Variants in PRSS23 observed in about 807,000 individuals in gnomAD.
PRSS23 encodes the protein serine protease 23.
In PRSS23, 25 loss-of-function variants were observed where a neutral mutation model predicts 34.7. The observed-to-expected ratio is 0.72, with a 90% CI of 0.53 to 1.01. The LOEUF is 1.01. PRSS23 is among the 50% of genes least tolerant of loss of function. The probability of loss-of-function intolerance (pLI) is 0.00; values close to 1 mark genes in which losing one functional copy is unlikely to be tolerated. For synonymous variants in PRSS23, 176 were observed against 186.6 expected, an observed-to-expected ratio of 0.94 and a Z score of 0.46; for missense variants, 445 against 475.6, an observed-to-expected ratio of 0.94 and a Z score of 0.60.
At chr11:86,902,528 A>G (rs1462279277) in intron 2 of PRSS23, among the ~76,000 whole-genome samples, 3 of 152,226 alleles carry the variant, frequency 2.0e-5, no homozygotes, top group Non-Finnish European at 4.4e-5. Flanking sequence ...GAGATGCCCT[A>G]GAAATTGGAT....
chr11:86,855,893 A>G (rs1229098539), intron 2 of PRSS23, among the ~76,000 whole-genome samples: 1 of 152,194 alleles, frequency 6.6e-6, no homozygotes, highest in Non-Finnish European at 1.5e-5. Flanking sequence ...CTGACCTGCA[A>G]TCTCACCCAT....
At chr11:86,836,411 T>C (rs1948406003) in intron 2 of PRSS23, among the ~76,000 whole-genome samples, 1 of 152,184 alleles carries the variant, frequency 6.6e-6, no homozygotes, top group South Asian at 2.1e-4. Context: ...TCATCCATAT[T>C]GTCCTTCTGT....
At chr11:86,873,452 T>G (rs958367303) in intron 2 of PRSS23, among the ~76,000 whole-genome samples, 1 of 151,638 alleles carries the variant, frequency 6.6e-6, no homozygotes, top group Non-Finnish European at 1.5e-5. Flanking sequence ...CTCATTTGTG[T>G]GTGTGTTTTT....
chr11:86,876,202 G>A (rs5011180), intron 2 of PRSS23, among the ~76,000 whole-genome samples: 80,341 of 151,400 alleles, frequency 0.53, 22,488 homozygotes, highest in African/African-American at 0.72. Context: ...AAGAAATTTC[G>A]GAGTAAACAT....
At chr11:86,943,373 C>G (rs1226086270) in intron 2 of PRSS23, among the ~76,000 whole-genome samples, 1 of 152,146 alleles carries the variant, frequency 6.6e-6, no homozygotes, top group Non-Finnish European at 1.5e-5. Flanking sequence ...GCCTGTAATC[C>G]CAGCACTTTG....
chr11:86,838,641 G>C (rs2845690), intron 2 of PRSS23, among the ~76,000 whole-genome samples: 29,311 of 152,062 alleles, frequency 0.19, 3,168 homozygotes, highest in East Asian at 0.46. Context: ...CATGGCATTC[G>C]AGCTCCAAGA....
At chr11:86,842,799 A>AT (rs1343076407) in intron 2 of PRSS23, among the ~76,000 whole-genome samples, 1 of 152,250 alleles carries the variant, frequency 6.6e-6, no homozygotes, top group Non-Finnish European at 1.5e-5. Flanking sequence ...AGAACATTCC[A>AT]TGCTCATGGG....
At chr11:86,861,575 G>A (rs1221325471) in intron 2 of PRSS23, among the ~76,000 whole-genome samples, 1 of 151,786 alleles carries the variant, frequency 6.6e-6, no homozygotes, top group South Asian at 2.1e-4. Context: ...TTTGCAGGGG[G>A]CGGACACCCT....
chr11:86,936,188 G>T (rs1949160911), intron 2 of PRSS23: 1 of 152,210 alleles, frequency 6.6e-6, no homozygotes, highest in South Asian at 2.1e-4. Flanking sequence ...GGCAGGACTT[G>T]GGGGCTCTGT....
chr11:86,795,481 G>A (rs768274653), intron 1 of PRSS23, among the ~76,000 whole-genome samples: 2 of 152,192 alleles, frequency 1.3e-5, no homozygotes, highest in Non-Finnish European at 2.9e-5. Flanking sequence ...TTGCTACTCC[G>A]GGATCCCATG....
At chr11:86,867,177 T>C (rs111519605) in intron 2 of PRSS23, among the ~76,000 whole-genome samples, 2 of 152,346 alleles carry the variant, frequency 1.3e-5, no homozygotes, top group African/African-American at 4.8e-5. Flanking sequence ...AACCTCACTC[T>C]TACCATCTGG....
chr11:86,952,424 T>A (rs762727431), exon 3 of PRSS23: 5 of 1,614,014 alleles, frequency 3.1e-6, no homozygotes, highest in Non-Finnish European at 4.2e-6. Flanking sequence ...AATGGGGATG[T>A]TGATCTTCTC....
intron 2 of PRSS23, chr11:86,934,580 C>G (rs187830250): frequency 6.6e-6 from 1 of 152,298 alleles, no homozygotes; most frequent in African/African-American, 2.4e-5. Context: ...CTCCTGGAAG[C>G]AGAATATTTT....
At chr11:86,815,589 G>A (rs984040251), downstream of PRSS23, among the ~76,000 whole-genome samples, 3 of 152,156 alleles carry the variant, frequency 2.0e-5, no homozygotes, top group Non-Finnish European at 4.4e-5. Context: ...TTCTATTCTA[G>A]CATGTGTTAC....
intron 2 of PRSS23, among the ~76,000 whole-genome samples, chr11:86,830,146 A>G (rs1590883078): frequency 6.6e-6 from 1 of 152,194 alleles, no homozygotes; most frequent in Non-Finnish European, 1.5e-5. Flanking sequence ...GGCTCCACCC[A>G]GCTCGAGCTT....
At chr11:86,869,001 T>G (rs1171725730) in intron 2 of PRSS23, among the ~76,000 whole-genome samples, 2 of 152,074 alleles carry the variant, frequency 1.3e-5, no homozygotes, top group Admixed American at 1.3e-4. Flanking sequence ...TTTGTAGAGA[T>G]AGAGTTTTGC....
At chr11:86,872,153 G>A (rs1462042567) in intron 2 of PRSS23, among the ~76,000 whole-genome samples, 2 of 152,104 alleles carry the variant, frequency 1.3e-5, no homozygotes, top group Admixed American at 1.3e-4. Flanking sequence ...GACTCTCGTG[G>A]GGATTAAATG....
At chr11:86,943,143 C>A (rs1949217298) in intron 2 of PRSS23, among the ~76,000 whole-genome samples, 1 of 152,234 alleles carries the variant, frequency 6.6e-6, no homozygotes, top group Non-Finnish European at 1.5e-5. Context: ...CCAGCCAAGA[C>A]CAATTCAAAC....
At chr11:86,832,629 T>C (rs576210093) in intron 2 of PRSS23, 3 of 486,868 alleles carry the variant, frequency 6.2e-6, no homozygotes, top group African/African-American at 2.0e-5. Flanking sequence ...GTGTACATCA[T>C]TGAGGCCACT....
Sources: allele counts gnomAD v4.1 joint callset (sites outside exome capture counted in the v4.1 genomes callset), GRCh38; gene constraint gnomAD v4.1.1; transcripts MANE v1.5; gene names NCBI Gene and HGNC (gene_info 2026-07-23, HGNC 2026-07-21).